The following DMXL2 variants were observed in gnomAD, a reference collection of about 807,000 sequenced individuals.
DMXL2 encodes the protein dmX-like protein 2.
A neutral mutation model predicts 331.1 loss-of-function variants in DMXL2; 103 were observed. The observed-to-expected ratio is 0.31, with a 90% confidence interval of 0.27 to 0.37. The LOEUF (loss-of-function observed/expected upper bound fraction) is 0.37, where lower values mean the gene tolerates loss of function less well. Ranked by LOEUF, DMXL2 falls within the 10% of genes least tolerant of loss-of-function variation. The pLI, the probability that DMXL2 is intolerant of heterozygous loss-of-function variation, is 1.00. For missense variants in DMXL2, 3,171 were observed against 3,642.9 expected (o/e 0.87, Z 3.33); for synonymous variants, 1,281 against 1,252.1 (o/e 1.02, Z -0.49).
chr15:51,448,926 A>G lies in DMXL2; in HGVS notation c.*58T>C. 1 of 1,509,494 alleles carries G rather than the reference A, an allele frequency of 6.6e-7. No homozygotes were observed. Among genetic ancestry groups the G allele is most frequent in the Non-Finnish European group, 9.1e-7 (1 of 1,098,274 alleles). The allele number at this position is 1,509,494 out of a possible 1,614,324, so 93.5% of individuals were successfully genotyped here. A position where few individuals can be genotyped will look rare whatever the true frequency, so the allele number is the denominator to read the frequency against. On this transcript the variant is annotated 3_prime_UTR_variant, in exon 44 of 44. Transcript: ENST00000560891. The stretch of plus-strand genomic sequence containing the variant: ...AACTGCTTAGAAAGCAGAATTGCCT[A>G]GTGATGACTGTAGTGTGCCTTTTAA...
intron 13 of DMXL2, among the ~76,000 whole-genome samples, chr15:51,525,795 T>C (rs2047638934): frequency 6.6e-6 from 1 of 151,758 alleles, no homozygotes; most frequent in South Asian, 2.1e-4. Context: ...GAACACCAGG[T>C]AGATTTCTAA....
intron 7 of DMXL2, 42 bp from the exon 8 acceptor site, chr15:51,545,808 A>G (rs552236047): frequency 2.5e-5 from 39 of 1,539,018 alleles, no homozygotes; most frequent in Non-Finnish European, 3.5e-5. Flanking sequence ...TGTGAATATC[A>G]ATCCCATTAA....
At chr15:51,530,889 A>G (rs1207424989) in intron 13 of DMXL2, among the ~76,000 whole-genome samples, 4 of 151,962 alleles carry the variant, frequency 2.6e-5, no homozygotes, top group Non-Finnish European at 5.9e-5. Context: ...TGAAGAGGAC[A>G]AAAAAAATGG....
chr15:51,518,109 A>T (rs969601664), intron 13 of DMXL2, among the ~76,000 whole-genome samples: 2 of 152,140 alleles, frequency 1.3e-5, no homozygotes, highest in African/African-American at 4.8e-5. Flanking sequence ...AGGCAGGTGG[A>T]TCTCCTGAGG....
In DMXL2 at chr15:51,503,699, TAGAAG is replaced by T. The variant is rs77341465; in HGVS notation, c.2765-671_2765-667del. Among the ~76,000 whole-genome samples the T allele has an allele frequency of 2.8e-3, 421 of 152,214 alleles. 16 individuals are homozygous for T. The East Asian group carries it at 0.064, about 23-fold the overall frequency. On this transcript the variant is annotated intron_variant, in intron 16 of 43. Transcript: ENST00000560891. ...ACAACAATGTATATTTCAAAAGAGC[TAGAAG>T]AGAAGATCTGAAATGTTCCCAATCC...
At chr15:51,535,399 C>A (rs1235632770) in intron 13 of DMXL2, among the ~76,000 whole-genome samples, 1 of 151,996 alleles carries the variant, frequency 6.6e-6, no homozygotes, top group African/African-American at 2.4e-5. Context: ...AAATATGTTA[C>A]AAACAAATAA....
chr15:51,500,154 C>A lies in DMXL2; in HGVS notation c.3070G>T (p.Val1024Leu). 1 of 1,614,150 alleles carries A rather than the reference C, an allele frequency of 6.2e-7. No homozygotes were observed. ...TCCATACAACATTTCCAGAAGCGTA[C>A]TTTATTGTCAGAACAAGTTGTAACC... ...LVVTTCSDNK[V>L]RFWKCCMEAN... Residue 1024 changes from valine (V) to leucine (L), a missense_variant, in exon 18 of 44, where the codon GTA becomes TTA. By Grantham distance (32) the Val-to-Leu change is conservative. Around this residue, in one of 7 missense-constraint regions of DMXL2, gnomAD observed 1,674 missense variants for 1,780.2 expected, o/e 0.94. Coordinates refer to ENST00000560891, the MANE Select transcript of DMXL2 (RefSeq NM_001378457.1).
At chr15:51,507,850 T>A (rs1596052547) in intron 15 of DMXL2, among the ~76,000 whole-genome samples, 1 of 149,918 alleles carries the variant, frequency 6.7e-6, no homozygotes, top group Non-Finnish European at 1.5e-5. Context: ...GAAGGAGCAG[T>A]GGTAGGGTAA....
At chr15:51,506,064 G>C (rs575468965) in intron 16 of DMXL2, among the ~76,000 whole-genome samples, 2 of 152,166 alleles carry the variant, frequency 1.3e-5, no homozygotes, top group Admixed American at 1.3e-4. Flanking sequence ...AATCATAATT[G>C]CATTTCTTTT....
Position 51,537,573 on chromosome 15 carries a change from G to A in DMXL2, c.1532C>T (p.Thr511Ile), listed in dbSNP as rs2048354137. The change falls in exon 11 of 44, where the codon ACA becomes ATA. Residue 511 changes from threonine to isoleucine, a missense_variant. By Grantham distance (89) the Thr-to-Ile change is moderately conservative. Coordinates refer to ENST00000560891, the MANE Select transcript of DMXL2 (RefSeq NM_001378457.1). ...EWNKNPDMLF[T>I]IHPVDGTFLV... The stretch of plus-strand genomic sequence containing the variant: ...AAAGGTACCATCTACAGGGTGTATT[G>A]TAAAAAGCATATCAGGATTCTTATT... 1 of 1,613,772 alleles carries A rather than the reference G, an allele frequency of 6.2e-7. No homozygotes were observed. The highest frequency in any genetic ancestry group is 1.7e-4 in the Middle Eastern group (1 of 6,060).
At chr15:51,507,105 C>T in intron 16 of DMXL2, 29 bp downstream of exon 16, 1 of 1,495,808 alleles carries the variant, frequency 6.7e-7, no homozygotes, top group Non-Finnish European at 9.0e-7. Context: ...TGTTATGTAT[C>T]ATCTCTGTAT....
At chr15:51,484,202 A>C (rs1877422938) in intron 23 of DMXL2, among the ~76,000 whole-genome samples, 6 of 152,098 alleles carry the variant, frequency 3.9e-5, no homozygotes, top group Admixed American at 3.9e-4. Context: ...GTGAGGCCAC[A>C]TATGAGCCCT....
At chr15:51,463,550 A>C (rs201116224) in intron 32 of DMXL2, 54 bp from the exon 33 acceptor site, 3 of 985,506 alleles carry the variant, frequency 3.0e-6, no homozygotes, top group African/African-American at 1.7e-5. Flanking sequence ...AAATATGTTT[A>C]TATTTGCAGA....
Position 51,451,666 on chromosome 15 carries a change from G to C in DMXL2, c.8728C>G (p.Pro2910Ala). 6.2e-7 allele frequency: 1 copy of C among 1,612,670 alleles called. No individual in the cohort carries two copies. The highest frequency in any genetic ancestry group is 8.5e-7 in the Non-Finnish European group (1 of 1,179,212). The change falls in exon 42 of 44, where the codon CCC (proline) becomes GCC (alanine). Residue 2910 changes from proline to alanine, a missense_variant. By Grantham distance (27) the Pro-to-Ala change is conservative. This residue lies in a region of DMXL2 where 766 missense variants were observed against 940.5 expected (regional missense o/e 0.81). Coordinates refer to ENST00000560891, the MANE Select transcript of DMXL2 (RefSeq NM_001378457.1). ...NVCLWDTLIS[P>A]GNSLIHGFTC... ...TCACCATGAATGAGGCTGTTTCCGG[G>C]TGATATTAATGTGTCCCAGAGGCAA...
intron 3 of DMXL2, among the ~76,000 whole-genome samples, chr15:51,566,232 GGT>G (rs71127197): frequency 0.063 from 9,152 of 144,560 alleles, 311 homozygotes; most frequent in Middle Eastern, 0.1. Flanking sequence ...GTGTGTGTGG[GGT>G]GTGTGTGTGT....
intron 31 of DMXL2, among the ~76,000 whole-genome samples, chr15:51,465,092 ATAAAC>A (rs1466759445): frequency 6.6e-6 from 1 of 152,218 alleles, no homozygotes; most frequent in Non-Finnish European, 1.5e-5. Context: ...GATTCTTGAT[ATAAAC>A]TAAAGTATTA....
chr15:51,537,510 G>T lies in DMXL2; in HGVS notation c.1595C>A (p.Pro532His). 6.2e-7 allele frequency: 1 copy of T among 1,612,702 alleles called. No individual in the cohort carries two copies. The highest frequency in any genetic ancestry group is 8.5e-7 in the Non-Finnish European group (1 of 1,179,196). Residue 532 changes from proline (P) to histidine (H), a missense_variant, in exon 11 of 44, where the codon CCT becomes CAT. Pro to His is a moderately conservative substitution (Grantham distance 77, BLOSUM62 -2). Coordinates refer to ENST00000560891, the MANE Select transcript of DMXL2 (RefSeq NM_001378457.1). Reference protein sequence around the residue: ...WHVKYLDEYNPGIFRQVQVSF... With the variant: ...WHVKYLDEYNHGIFRQVQVSF... ...TACCTGAACTTGTCTAAATATTCCA[G>T]GATTATATTCATCCAAATACTTCAC... is the stretch of plus-strand genomic sequence containing the variant.
intron 20 of DMXL2, among the ~76,000 whole-genome samples, chr15:51,489,680 A>C (rs559448984): frequency 3.3e-5 from 5 of 151,896 alleles, no homozygotes; most frequent in Non-Finnish European, 5.9e-5. Context: ...AAAGAAAGAA[A>C]GAAAAAGAAA....
rs1476604963 is a variant in DMXL2 at position 51,503,046 on chromosome 15, A to G, written c.2765-13T>C. ...TCTGAAGCTTTAGCTTTAAAAATAAATTATAAAATTACAAAATGTATGTAT... is the reference window on the plus strand; with the variant it reads ...TCTGAAGCTTTAGCTTTAAAAATAAGTTATAAAATTACAAAATGTATGTAT... On this transcript the variant is annotated splice_polypyrimidine_tract_variant and intron_variant, in intron 16 of 43. Transcript: ENST00000560891. 1 of 1,531,264 alleles carries G rather than the reference A, an allele frequency of 6.5e-7. No individual in the cohort carries two copies. The highest frequency in any genetic ancestry group is 8.9e-7 in the Non-Finnish European group (1 of 1,119,102). The allele number at this position is 1,531,264 out of a possible 1,614,324, so 94.9% of individuals were successfully genotyped here.
Sources: gnomAD v4.1 joint callset for allele counts (sites outside exome capture counted in the v4.1 genomes callset) on GRCh38, gnomAD v4.1.1 for gene constraint, gnomAD v4.1.1 regional missense constraint, MANE v1.5 for transcripts, NCBI Gene and HGNC (gene_info 2026-07-23, HGNC 2026-07-21) for gene names.